TMEM278: variants seen among roughly 807,000 people sequenced by gnomAD.
TMEM278 encodes the protein transmembrane protein 88B.
the TMEM278 span, chr1:1,427,597 A>G: frequency 8.1e-7 from 1 of 1,230,634 alleles, no homozygotes; most frequent in South Asian, 2.2e-5. Context: ...CTGTTCTCAG[A>G]CCGCGGCTCC....
the TMEM278 span, among the ~76,000 whole-genome samples, chr1:1,430,201 T>C: frequency 6.6e-6 from 1 of 152,180 alleles, no homozygotes; most frequent in African/African-American, 2.4e-5. Flanking sequence ...CTCGGAGATA[T>C]TTACTTTCTT....
the TMEM278 span, among the ~76,000 whole-genome samples, chr1:1,429,223 C>T: frequency 6.6e-6 from 1 of 151,904 alleles, no homozygotes; most frequent in Non-Finnish European, 1.5e-5. Flanking sequence ...TGGTGCACAC[C>T]TGTAGTCCCA....
chr1:1,426,520 C>T, the TMEM278 span: 2 of 707,830 alleles, frequency 2.8e-6, no homozygotes, highest in Non-Finnish European at 4.1e-6. Context: ...CCTGGCAGCC[C>T]CTTCTCCCAA....
chr1:1,426,457 AC>A, the TMEM278 span: 1 of 1,234,272 alleles, frequency 8.1e-7, no homozygotes, highest in Non-Finnish European at 1.0e-6. Context: ...GTCTGAAGGC[AC>A]TGTGCCCCCT....
the TMEM278 span, among the ~76,000 whole-genome samples, chr1:1,429,191 A>G: frequency 6.6e-6 from 1 of 150,936 alleles, no homozygotes; most frequent in Admixed American, 6.6e-5. Flanking sequence ...AAAAAACAAC[A>G]AAAAAAATTA....
At chr1:1,429,695 C>T in the TMEM278 span, among the ~76,000 whole-genome samples, 1 of 152,166 alleles carries the variant, frequency 6.6e-6, no homozygotes, top group Admixed American at 6.6e-5. Context: ...GGCGAGACCA[C>T]CCTCGGCCCC....
chr1:1,425,951 G>A, the TMEM278 span, among the ~76,000 whole-genome samples: 1 of 152,132 alleles, frequency 6.6e-6, no homozygotes, highest in Admixed American at 6.5e-5. Flanking sequence ...CTGAGGTGGG[G>A]GTGTGGCTCT....
At chr1:1,428,927 G>C in the TMEM278 span, among the ~76,000 whole-genome samples, 10 of 150,598 alleles carry the variant, frequency 6.6e-5, no homozygotes, top group Non-Finnish European at 1.5e-4. Flanking sequence ...GTGAACCTGG[G>C]AGGCAAAGCT....
the TMEM278 span, chr1:1,426,238 G>A: frequency 2.1e-5 from 30 of 1,460,464 alleles, no homozygotes; most frequent in East Asian, 5.6e-5. Flanking sequence ...CAGCCCTGAC[G>A]TGCCCAGGGT....
chr1:1,426,028 C>T, the TMEM278 span: 1 of 1,265,858 alleles, frequency 7.9e-7, no homozygotes, highest in Non-Finnish European at 1.0e-6. Context: ...TGTGGACTGG[C>T]TGCAACGTGG....
chr1:1,426,505 C>A, the TMEM278 span: 1 of 806,934 alleles, frequency 1.2e-6, no homozygotes, highest in East Asian at 3.4e-5. Flanking sequence ...ACACGTGTGC[C>A]CCTCCCTGGC....
the TMEM278 span, among the ~76,000 whole-genome samples, chr1:1,428,895 G>A: frequency 6.6e-6 from 1 of 151,748 alleles, no homozygotes; most frequent in Non-Finnish European, 1.5e-5. Context: ...AGCTACTCGG[G>A]AGGCTGAGGC....
chr1:1,428,999 CA>C, the TMEM278 span, among the ~76,000 whole-genome samples: 2,762 of 93,252 alleles, frequency 0.03, 73 homozygotes, highest in African/African-American at 0.089. Flanking sequence ...GGCTCCGTCT[CA>C]AAAAAAAAAA....
the TMEM278 span, chr1:1,426,063 C>A: frequency 1.6e-6 from 2 of 1,287,164 alleles, no homozygotes; most frequent in Non-Finnish European, 2.0e-6. Context: ...TCTTCCAGGG[C>A]AGCCCTGGAG....
chr1:1,427,543 C>G, the TMEM278 span: 18 of 1,127,694 alleles, frequency 1.6e-5, no homozygotes, highest in Non-Finnish European at 1.9e-5. Flanking sequence ...GACGGCCCGC[C>G]CGGCCCCCAG....
the TMEM278 span, chr1:1,427,811 G>A: frequency 5.6e-5 from 77 of 1,376,326 alleles, no homozygotes; most frequent in Non-Finnish European, 7.1e-5. Flanking sequence ...GCGAAACCCC[G>A]GGAGGCCTCC....
chr1:1,428,771 A>T, the TMEM278 span, among the ~76,000 whole-genome samples: 4 of 152,104 alleles, frequency 2.6e-5, no homozygotes, highest in Non-Finnish European at 5.9e-5. Context: ...GAAGCCGAGG[A>T]GGGCGGATCA....
At chr1:1,426,408 G>C in the TMEM278 span, 1 of 1,356,102 alleles carries the variant, frequency 7.4e-7, no homozygotes, top group Non-Finnish European at 9.5e-7. Flanking sequence ...CCCGTGGGCG[G>C]GGGACTAGCT....
chr1:1,429,780 G>A, the TMEM278 span, among the ~76,000 whole-genome samples: 1 of 152,182 alleles, frequency 6.6e-6, no homozygotes, highest in African/African-American at 2.4e-5. Context: ...GCCGCAGGCT[G>A]GCTCTCTGTC....
Sources: allele counts gnomAD v4.1 joint callset (sites outside exome capture counted in the v4.1 genomes callset), GRCh38; gene constraint gnomAD v4.1.1; transcripts MANE v1.5; gene names NCBI Gene and HGNC (gene_info 2026-07-23, HGNC 2026-07-21).